FUT8: variants seen among roughly 807,000 people sequenced by gnomAD.
FUT8 encodes alpha-(1,6)-fucosyltransferase.
In FUT8, 29 loss-of-function variants were observed where a neutral mutation model predicts 71.3. The ratio of observed to expected loss-of-function variants is 0.41; its 90% CI spans 0.30 to 0.55. FUT8 has a LOEUF of 0.55. Among genes scored for constraint, FUT8 ranks in the 20% least tolerant of loss-of-function variants. FUT8 has a pLI of 0.34. For missense variants in FUT8, 544 were observed against 702.1 expected, an observed-to-expected ratio of 0.77 and a Z score of 2.55; for synonymous variants, 254 against 239.3, an observed-to-expected ratio of 1.06 and a Z score of -0.57.
In FUT8 at chr14:65,489,773, C is replaced by T. The variant is rs1306247905; in HGVS notation, c.-228+34055C>T. Among the ~76,000 whole-genome samples the T allele has an allele frequency of 6.6e-6, 1 of 152,026 alleles. No homozygotes were observed. Among genetic ancestry groups the T allele is most frequent in the Non-Finnish European group, 1.5e-5 (1 of 67,978 alleles). On this transcript the variant is annotated intron_variant, in intron 2 of 10. Coordinates refer to ENST00000673929, the MANE Select transcript of FUT8 (RefSeq NM_001371533.1). This position sits in a 1 kb window ranked among gnomAD's most constrained non-coding sequence, Gnocchi z 4.0. Reference sequence around the variant, plus strand: ...TTGTTTATTGGTATCACACACGTGTCATGTGGGTCATAGACTTGTTTCATA... The same window carrying T: ...TTGTTTATTGGTATCACACACGTGTTATGTGGGTCATAGACTTGTTTCATA...
intron 7 of FUT8, among the ~76,000 whole-genome samples, chr14:65,712,742 G>T (rs776157379): frequency 6.6e-6 from 1 of 152,166 alleles, no homozygotes; most frequent in Non-Finnish European, 1.5e-5. Flanking sequence ...ACTGCGCCTG[G>T]TGAAAATATA....
At chr14:65,733,948 A>G (rs773796052) in intron 10 of FUT8, among the ~76,000 whole-genome samples, 3 of 152,086 alleles carry the variant, frequency 2.0e-5, no homozygotes, top group Non-Finnish European at 4.4e-5. Context: ...ATTATATTTT[A>G]TGGGTTTGGT....
chr14:65,526,371 A>C (rs1474749925), intron 2 of FUT8, among the ~76,000 whole-genome samples: 2 of 152,132 alleles, frequency 1.3e-5, no homozygotes, highest in Non-Finnish European at 2.9e-5. Context: ...TTTATCAGAG[A>C]GTAGGATTGC....
chr14:65,719,395 C>G (rs933927046), intron 7 of FUT8, among the ~76,000 whole-genome samples: 1 of 152,110 alleles, frequency 6.6e-6, no homozygotes, highest in Non-Finnish European at 1.5e-5. Context: ...CTCAAAATAG[C>G]TCTTTTGAAT....
chr14:65,677,165 C>T (rs61987760), intron 7 of FUT8, among the ~76,000 whole-genome samples: 23 of 82,712 alleles, frequency 2.8e-4, no homozygotes, highest in East Asian at 4.2e-4. Flanking sequence ...CGCGCGCATG[C>T]GCGCGCACGT....
At chr14:65,557,850 A>G (rs1885677714) in intron 2 of FUT8, among the ~76,000 whole-genome samples, 1 of 152,200 alleles carries the variant, frequency 6.6e-6, no homozygotes. Flanking sequence ...ATTAGCTGAT[A>G]TATGTAATTT....
At chr14:65,438,852 A>G (rs769503667) in intron 1 of FUT8, among the ~76,000 whole-genome samples, 7 of 152,228 alleles carry the variant, frequency 4.6e-5, no homozygotes, top group Non-Finnish European at 1.0e-4. Flanking sequence ...TGTTGCAGTT[A>G]GAAGCTGCTA....
chr14:65,468,047 C>A (rs2066072802), intron 2 of FUT8: 5 of 666,942 alleles, frequency 7.5e-6, no homozygotes, highest in Non-Finnish European at 1.4e-5. Context: ...GAATCTTGCC[C>A]TTAACTTGTT....
Position 65,604,090 on chromosome 14 carries a change from G to A in FUT8, c.204-11888G>A, listed in dbSNP as rs151025579. Among the ~76,000 whole-genome samples the A allele has an allele frequency of 3.2e-4, 49 of 151,564 alleles. 1 individual carries two copies. Among genetic ancestry groups the A allele is most frequent in the Admixed American group, 4.6e-4 (7 of 15,138 alleles). ...AAACATATACACACCTAACACTAGCGCTCCCAAATTTATAAAACAATTACT... is the reference window on the plus strand; with the variant it reads ...AAACATATACACACCTAACACTAGCACTCCCAAATTTATAAAACAATTACT... On this transcript the variant is annotated intron_variant, in intron 3 of 10. Transcript: ENST00000673929.
At chr14:65,654,392 C>T (rs1891559860) in intron 6 of FUT8, among the ~76,000 whole-genome samples, 1 of 152,082 alleles carries the variant, frequency 6.6e-6, no homozygotes, top group African/African-American at 2.4e-5. Context: ...AGTTGGAGAC[C>T]AGCCTGACCA....
chr14:65,428,126 A>AT (rs1434062035), intron 1 of FUT8, among the ~76,000 whole-genome samples: 1 of 152,144 alleles, frequency 6.6e-6, no homozygotes, highest in Non-Finnish European at 1.5e-5. Context: ...AAAATGAATT[A>AT]TTTTGACTTT....
intron 10 of FUT8, among the ~76,000 whole-genome samples, chr14:65,736,290 G>A (rs1220937081): frequency 6.6e-6 from 1 of 151,728 alleles, no homozygotes; most frequent in Non-Finnish European, 1.5e-5. Context: ...AATAGTTATA[G>A]GAATATCTCT....
chr14:65,416,440 A>G (rs937984911), intron 1 of FUT8, among the ~76,000 whole-genome samples: 2 of 151,948 alleles, frequency 1.3e-5, no homozygotes, highest in Non-Finnish European at 2.9e-5. Context: ...GGCATGTGCT[A>G]CCACAGCCAG....
At chr14:65,672,837 T>C (rs1892534856) in intron 7 of FUT8, among the ~76,000 whole-genome samples, 1 of 152,040 alleles carries the variant, frequency 6.6e-6, no homozygotes, top group Non-Finnish European at 1.5e-5. Flanking sequence ...TTCAAAATGC[T>C]TTTCTAGCTT....
the FUT8 span, among the ~76,000 whole-genome samples, chr14:65,399,041 G>A: frequency 2.2e-4 from 33 of 152,082 alleles, no homozygotes; most frequent in South Asian, 5.2e-3. Flanking sequence ...TTTTTGAGCC[G>A]GGAACGGTGG....
At chr14:65,429,861 CAAAAAAAAAA>C (rs58941594) in intron 1 of FUT8, among the ~76,000 whole-genome samples, 3 of 81,002 alleles carry the variant, frequency 3.7e-5, no homozygotes, top group South Asian at 5.1e-4. Context: ...GAGACTGTCT[CAAAAAAAAAA>C]AAAAAAAAAA....
intron 2 of FUT8, among the ~76,000 whole-genome samples, chr14:65,491,179 AG>A (rs1446805331): frequency 6.6e-6 from 1 of 152,172 alleles, no homozygotes; most frequent in Non-Finnish European, 1.5e-5. Flanking sequence ...ATCAATGATT[AG>A]GGTAAATAAA....
intron 2 of FUT8, among the ~76,000 whole-genome samples, chr14:65,522,611 T>C (rs113982449): frequency 5.9e-5 from 9 of 152,176 alleles, no homozygotes; most frequent in African/African-American, 2.2e-4. Flanking sequence ...CCAGGGTACA[T>C]GTGCGCGACG....
At chr14:65,740,820 A>G (rs1896462641) in intron 10 of FUT8, among the ~76,000 whole-genome samples, 3 of 152,124 alleles carry the variant, frequency 2.0e-5, no homozygotes, top group Admixed American at 1.3e-4. Flanking sequence ...AACATTGGGG[A>G]TTACAGTTCA....
Sources: allele counts gnomAD v4.1 joint callset (sites outside exome capture counted in the v4.1 genomes callset), GRCh38; gene constraint gnomAD v4.1.1; non-coding constraint Gnocchi (gnomAD v3.1); transcripts MANE v1.5; gene names NCBI Gene and HGNC (gene_info 2026-07-23, HGNC 2026-07-21).